VWA8: variants seen among roughly 807,000 people sequenced by gnomAD.
The protein encoded by VWA8 is von Willebrand factor A domain-containing protein 8.
Under a neutral mutation model 241.5 loss-of-function variants are expected in VWA8, and 221 were observed. The observed-to-expected ratio is 0.91, with a 90% confidence interval of 0.82 to 1.02. The LOEUF (loss-of-function observed/expected upper bound fraction) is 1.02. VWA8 is among the 50% of genes least tolerant of loss of function. The pLI, the probability that VWA8 is intolerant of heterozygous loss-of-function variation, is 0.00. For synonymous variants in VWA8, 852 were observed against 827.1 expected, an observed-to-expected ratio of 1.03 and a Z score of -0.52; for missense variants, 2,322 against 2,328.7, an observed-to-expected ratio of 1.00 and a Z score of 0.06.
chr13:41,882,087 C>T (rs1271888759), intron 9 of VWA8, among the ~76,000 whole-genome samples: 5 of 133,104 alleles, frequency 3.8e-5, no homozygotes, highest in Admixed American at 3.0e-4. Context: ...ACTTCTCAGA[C>T]GGGGCGGCCG....
intron 20 of VWA8, among the ~76,000 whole-genome samples, chr13:41,761,957 T>C (rs550116426): frequency 1.3e-5 from 2 of 152,256 alleles, no homozygotes; most frequent in East Asian, 1.9e-4. Flanking sequence ...GAAAGAGTTA[T>C]AGTTTAAAAG....
intron 4 of VWA8, among the ~76,000 whole-genome samples, chr13:41,897,254 T>C (rs145125657): frequency 6.6e-5 from 10 of 150,388 alleles, no homozygotes; most frequent in African/African-American, 2.4e-4. Context: ...GGGTAAAGGA[T>C]CTGAACAGAC....
intron 14 of VWA8, among the ~76,000 whole-genome samples, chr13:41,820,360 A>G (rs985311889): frequency 4.6e-5 from 7 of 152,218 alleles, no homozygotes; most frequent in African/African-American, 1.7e-4. Context: ...CTAAGCAACT[A>G]GAATACCAGG....
chr13:41,804,656 T>A (rs988725684), intron 17 of VWA8, among the ~76,000 whole-genome samples: 4 of 152,184 alleles, frequency 2.6e-5, no homozygotes, highest in Non-Finnish European at 4.4e-5. Context: ...AAACTACTTA[T>A]AACTTGAGTA....
intron 3 of VWA8, among the ~76,000 whole-genome samples, chr13:41,908,746 C>G (rs908397646): frequency 6.6e-6 from 1 of 152,128 alleles, no homozygotes; most frequent in African/African-American, 2.4e-5. Flanking sequence ...TAATCATGTA[C>G]AAAAAGTTTT....
chr13:41,684,043 T>G (rs1205646278), intron 35 of VWA8, among the ~76,000 whole-genome samples: 3 of 152,202 alleles, frequency 2.0e-5, no homozygotes, highest in Non-Finnish European at 2.9e-5. Flanking sequence ...GTCTCCAGAA[T>G]GGATTGTAAA....
chr13:41,812,839 T>C (rs538852029), intron 16 of VWA8, among the ~76,000 whole-genome samples: 310 of 152,282 alleles, frequency 2.0e-3, no homozygotes, highest in African/African-American at 7.3e-3. Flanking sequence ...TTTCAATTAA[T>C]TTGCATTCCA....
intron 42 of VWA8, among the ~76,000 whole-genome samples, chr13:41,581,937 G>A (rs1369855757): frequency 1.3e-5 from 2 of 152,186 alleles, no homozygotes; most frequent in African/African-American, 2.4e-5. Flanking sequence ...GGAAAAAAAT[G>A]CTTCTTGATG....
chr13:41,737,188 C>A (rs1364320111), intron 21 of VWA8, among the ~76,000 whole-genome samples: 3 of 152,282 alleles, frequency 2.0e-5, no homozygotes, highest in African/African-American at 7.2e-5. Context: ...CAATTTTTAC[C>A]AGTAAGACAT....
At chr13:41,786,032 G>T (rs1412864355) in intron 18 of VWA8, among the ~76,000 whole-genome samples, 2 of 152,130 alleles carry the variant, frequency 1.3e-5, no homozygotes, top group African/African-American at 4.8e-5. Context: ...AGAGAATGGT[G>T]ATGCTAGCAC....
At chr13:41,930,617 A>G (rs1413385678) in intron 2 of VWA8, among the ~76,000 whole-genome samples, 1 of 152,122 alleles carries the variant, frequency 6.6e-6, no homozygotes, top group Non-Finnish European at 1.5e-5. Context: ...ACTGCATGTG[A>G]TAGGTCGCAG....
chr13:41,583,124 G>A (rs2044394251), intron 42 of VWA8, among the ~76,000 whole-genome samples: 1 of 152,162 alleles, frequency 6.6e-6, no homozygotes, highest in Admixed American at 6.5e-5. Context: ...CAGAATGTAA[G>A]GAGCTCCATC....
At chr13:41,653,853 C>T (rs890260364) in intron 37 of VWA8, among the ~76,000 whole-genome samples, 6 of 152,110 alleles carry the variant, frequency 3.9e-5, no homozygotes, top group Admixed American at 6.5e-5. Flanking sequence ...AGTAGCTGGC[C>T]GTATGCAGAA....
intron 40 of VWA8, among the ~76,000 whole-genome samples, chr13:41,594,996 C>T (rs938070972): frequency 1.3e-5 from 2 of 152,076 alleles, no homozygotes; most frequent in Non-Finnish European, 1.5e-5. Flanking sequence ...AGGGAGAAAC[C>T]GCTACATTTC....
At chr13:41,629,724 A>G (rs1300459319) in intron 37 of VWA8, among the ~76,000 whole-genome samples, 1 of 152,222 alleles carries the variant, frequency 6.6e-6, no homozygotes, top group African/African-American at 2.4e-5. Flanking sequence ...CCCAGTTTTC[A>G]TTAATAACCA....
chr13:41,748,922 G>C (rs1034425978), intron 21 of VWA8, among the ~76,000 whole-genome samples: 13 of 152,232 alleles, frequency 8.5e-5, no homozygotes, highest in African/African-American at 3.1e-4. Context: ...GAAAATCTAG[G>C]CAGTATCATT....
intron 37 of VWA8, among the ~76,000 whole-genome samples, chr13:41,626,416 C>T (rs963603633): frequency 6.6e-6 from 1 of 152,036 alleles, no homozygotes; most frequent in African/African-American, 2.4e-5. Flanking sequence ...TTAGAAAAGG[C>T]TCTTTTAAAA....
chr13:41,834,599 G>T (rs7334045), intron 12 of VWA8, among the ~76,000 whole-genome samples: 21,471 of 152,118 alleles, frequency 0.14, 1,636 homozygotes, highest in East Asian at 0.18. Flanking sequence ...TGCTGGCAAG[G>T]TTCTGTAGAA....
chr13:41,887,716 A>C (rs1203713257), intron 5 of VWA8, among the ~76,000 whole-genome samples: 1 of 152,256 alleles, frequency 6.6e-6, no homozygotes, highest in East Asian at 1.9e-4. Context: ...CGGGCAGATC[A>C]CCAGCAAAGC....
Sources: allele counts gnomAD v4.1 joint callset (sites outside exome capture counted in the v4.1 genomes callset), GRCh38; gene constraint gnomAD v4.1.1; transcripts MANE v1.5; gene names NCBI Gene and HGNC (gene_info 2026-07-23, HGNC 2026-07-21).